Variants in ERBIN observed in about 807,000 individuals in gnomAD.
ERBIN encodes the protein erbb2 interacting protein.
Under a neutral mutation model 158.4 loss-of-function variants are expected in ERBIN, and 60 were observed. That is an observed-to-expected ratio of 0.38 (90% CI 0.31 to 0.47). The LOEUF is 0.47. ERBIN is among the 20% of genes least tolerant of loss of function. The pLI, the probability that ERBIN is intolerant of heterozygous loss-of-function variation, is 0.99. For synonymous variants in ERBIN, 594 were observed against 557.2 expected, an observed-to-expected ratio of 1.07 and a Z score of -0.93; for missense variants, 1,610 against 1,648.0, an observed-to-expected ratio of 0.98 and a Z score of 0.40.
At position 66,081,102 on chromosome 5, in the gene ERBIN, G is replaced by A. The variant is rs1226444644; in HGVS notation, c.*2572G>A. 1 of 151,890 alleles carries A rather than the reference G, an allele frequency of 6.6e-6. No individual in the cohort carries two copies. The highest frequency in any genetic ancestry group is 1.5e-5 in the Non-Finnish European group (1 of 67,850). 9.4% of individuals were successfully genotyped at this position (151,890 alleles called of 1,614,324 possible). On this transcript the variant is annotated 3_prime_UTR_variant, in exon 26 of 26. Coordinates refer to ENST00000284037, the MANE Select transcript of ERBIN (RefSeq NM_001253697.2). Reference sequence around the variant, plus strand: ...CTATACCCATAACTAACTTTAGTAAGTATTATATAGCAATTCATCAAAACC... The same window carrying A: ...CTATACCCATAACTAACTTTAGTAAATATTATATAGCAATTCATCAAAACC...
chr5:65,981,717 A>G (rs1291146979), intron 1 of ERBIN, among the ~76,000 whole-genome samples: 1 of 152,154 alleles, frequency 6.6e-6, no homozygotes, highest in African/African-American at 2.4e-5. Context: ...CTTGGCTTAA[A>G]ACGATAGCAG....
intron 4 of ERBIN, among the ~76,000 whole-genome samples, chr5:66,003,321 CATATT>C (rs1753197355): frequency 6.6e-6 from 1 of 151,894 alleles, no homozygotes; most frequent in Admixed American, 6.6e-5. Context: ...AGCAAAAACT[CATATT>C]ATTGGGATTC....
chr5:65,940,185 G>A (rs1476487032), intron 1 of ERBIN, among the ~76,000 whole-genome samples: 3 of 150,108 alleles, frequency 2.0e-5, no homozygotes, highest in Non-Finnish European at 4.4e-5. Flanking sequence ...TGTGGGGAGC[G>A]CCTCTGCCCC....
chr5:65,972,193 C>A (rs1266431145), intron 1 of ERBIN, among the ~76,000 whole-genome samples: 5 of 152,102 alleles, frequency 3.3e-5, no homozygotes, highest in Non-Finnish European at 5.9e-5. Flanking sequence ...ATTAGATTGT[C>A]TCTCACCCTT....
At chr5:66,031,024 T>C (rs1056358966) in intron 14 of ERBIN, among the ~76,000 whole-genome samples, 1 of 152,194 alleles carries the variant, frequency 6.6e-6, no homozygotes, top group African/African-American at 2.4e-5. Context: ...ACAAAAATTG[T>C]ATGGTAGGAG....
chr5:66,019,894 TCTC>T (rs1412182437), intron 7 of ERBIN, among the ~76,000 whole-genome samples: 1 of 152,138 alleles, frequency 6.6e-6, no homozygotes, highest in Admixed American at 6.5e-5. Flanking sequence ...CTTTCAGTCT[TCTC>T]TTCCTCCTCA....
At chr5:65,959,363 G>A (rs1747660470) in intron 1 of ERBIN, among the ~76,000 whole-genome samples, 1 of 152,038 alleles carries the variant, frequency 6.6e-6, no homozygotes, top group African/African-American at 2.4e-5. Context: ...TTTGGAAGAA[G>A]TATTAATATT....
In ERBIN at chr5:66,046,428, A is replaced by T. The variant is rs772457748; in HGVS notation, c.1678A>T (p.Lys560Ter). ...EKYMIGNSVQ[K>*]ISEPEAEISP... ...ATATATGATAGGAAACTCTGTACAG[A>T]AGATCAGTGAACCTGAAGCTGAGAT... Residue 560 changes from lysine to a stop codon, truncating the protein, a stop_gained, in exon 18 of 26, where the codon AAG becomes TAG. Transcript: ENST00000284037. LOFTEE classifies it high-confidence loss of function. 6.2e-7 allele frequency: 1 copy of T among 1,612,470 alleles called. No individual in the cohort carries two copies. The highest frequency in any genetic ancestry group is 1.1e-5 in the South Asian group (1 of 90,890).
intron 14 of ERBIN, among the ~76,000 whole-genome samples, chr5:66,032,861 A>G (rs1478370252): frequency 6.6e-6 from 1 of 152,236 alleles, no homozygotes; most frequent in African/African-American, 2.4e-5. Flanking sequence ...AAAAGCAAAG[A>G]TGAGGGTCAA....
intron 1 of ERBIN, among the ~76,000 whole-genome samples, chr5:65,956,992 T>C (rs933140234): frequency 3.3e-5 from 5 of 152,264 alleles, no homozygotes; most frequent in Admixed American, 1.3e-4. Flanking sequence ...TGTATGGTAA[T>C]AATATTACAA....
At chr5:65,980,097 A>C (rs978604068) in intron 1 of ERBIN, among the ~76,000 whole-genome samples, 1 of 152,212 alleles carries the variant, frequency 6.6e-6, no homozygotes, top group African/African-American at 2.4e-5. Context: ...AGAAGGTAAG[A>C]AAAGAAGAAC....
At chr5:66,065,644 TGTGTGTGTGTG>T (rs1580524854) in intron 21 of ERBIN, among the ~76,000 whole-genome samples, 1 of 132,192 alleles carries the variant, frequency 7.6e-6, no homozygotes, top group East Asian at 2.4e-4. Context: ...TGTGTGTGTG[TGTGTGTGTGTG>T]TGTGTTTTGC....
chr5:65,927,553 A>C (rs748751209), intron 1 of ERBIN, among the ~76,000 whole-genome samples: 1 of 152,240 alleles, frequency 6.6e-6, no homozygotes, highest in South Asian at 2.1e-4. Context: ...ATTAAACAAC[A>C]TTAACAACCT....
intron 1 of ERBIN, among the ~76,000 whole-genome samples, chr5:65,976,316 A>G (rs1482903178): frequency 2.6e-5 from 4 of 152,146 alleles, no homozygotes; most frequent in African/African-American, 9.7e-5. Flanking sequence ...TCCATTAAAA[A>G]TACAGAAATT....
rs1758192952 is a variant in ERBIN, at chr5:66,044,254, A to G, written c.1546A>G (p.Arg516Gly). Residue 516 changes from arginine to glycine, a missense_variant, in exon 17 of 26, where the codon AGA (arginine) becomes GGA (glycine). Arg to Gly is a moderately radical substitution (Grantham distance 125, BLOSUM62 -2). Transcript: ENST00000284037. Reference sequence around the variant, plus strand: ...TGAAGAGACCAATGAAGACTCAGGAAGAGATTTGAAACCACATGAAGATCA... The same window carrying G: ...TGAAGAGACCAATGAAGACTCAGGAGGAGATTTGAAACCACATGAAGATCA... ...KDEETNEDSG[R>G]DLKPHEDQQD... 5 of 1,611,468 alleles carry G rather than the reference A, an allele frequency of 3.1e-6. No individual in the cohort carries two copies. Among genetic ancestry groups the G allele is most frequent in the Non-Finnish European group, 4.2e-6 (5 of 1,178,986 alleles).
At chr5:66,019,154 A>T (rs1166613436) in intron 7 of ERBIN, among the ~76,000 whole-genome samples, 1 of 151,984 alleles carries the variant, frequency 6.6e-6, no homozygotes, top group East Asian at 1.9e-4. Context: ...ACTAATTTTG[A>T]CTTCTTATTT....
intron 1 of ERBIN, among the ~76,000 whole-genome samples, chr5:65,968,353 T>G (rs1461935150): frequency 3.9e-5 from 6 of 152,162 alleles, no homozygotes; most frequent in Non-Finnish European, 7.4e-5. Flanking sequence ...TAAGATATAT[T>G]TGGCTTGTGT....
At chr5:66,077,019 C>T (rs1417073543) in intron 25 of ERBIN, 70 bp downstream of exon 25, 159 of 1,208,276 alleles carry the variant, frequency 1.3e-4, no homozygotes, top group Non-Finnish European at 1.7e-4. Flanking sequence ...AAAATGTTTT[C>T]ACTTTAACTT....
chr5:65,975,431 G>A (rs1749747797), intron 1 of ERBIN, among the ~76,000 whole-genome samples: 1 of 152,098 alleles, frequency 6.6e-6, no homozygotes, highest in South Asian at 2.1e-4. Context: ...TCAGCCTCCT[G>A]AATAGCTGGA....
Sources: allele counts gnomAD v4.1 joint callset (sites outside exome capture counted in the v4.1 genomes callset), GRCh38; gene constraint gnomAD v4.1.1; transcripts MANE v1.5; gene names NCBI Gene and HGNC (gene_info 2026-07-23, HGNC 2026-07-21).